Variants in EBF1 observed in about 807,000 individuals in gnomAD.
EBF1 encodes EBF transcription factor 1, also known as transcription factor COE1.
EBF1 carries 10 observed loss-of-function variants against 68.4 expected under a neutral mutation model. The ratio of observed to expected loss-of-function variants is 0.15; its 90% CI spans 0.09 to 0.25. EBF1 has a LOEUF of 0.25. Among genes scored for constraint, EBF1 ranks in the 10% least tolerant of loss-of-function variants. EBF1 has a pLI of 1.00. For synonymous variants in EBF1, 298 were observed against 299.8 expected, an observed-to-expected ratio of 0.99 and a Z score of 0.06; for missense variants, 509 against 794.4, an observed-to-expected ratio of 0.64 and a Z score of 4.32.
rs190486302 is a variant in EBF1, at chr5:158,882,011, G to A, written c.555-41901C>T. On this transcript the variant is annotated intron_variant, in intron 6 of 15. Coordinates refer to ENST00000313708, the MANE Select transcript of EBF1 (RefSeq NM_024007.5). ...AAACTGCTTTGTATTTGCAAAGAAG[G>A]AGTTGTGGGTAACAATGAACATGCA... 2.6e-3 allele frequency among the ~76,000 whole-genome samples: 403 copies of A among 152,322 alleles called. 3 individuals are homozygous for A. The highest frequency in any genetic ancestry group is 0.01 in the Middle Eastern group (3 of 294).
At chr5:158,839,898 T>TG (rs1336969465) in intron 7 of EBF1, 131 bp downstream of exon 7, 11 of 789,110 alleles carry the variant, frequency 1.4e-5, no homozygotes, top group South Asian at 1.0e-4. Flanking sequence ...TGCAGATACC[T>TG]GGGGGACCAA....
At chr5:159,008,259 G>T (rs1277382496) in intron 6 of EBF1, among the ~76,000 whole-genome samples, 3 of 152,182 alleles carry the variant, frequency 2.0e-5, no homozygotes, top group African/African-American at 7.2e-5. Flanking sequence ...TGTAATCAGA[G>T]CAACAGTTGA....
intron 8 of EBF1, among the ~76,000 whole-genome samples, chr5:158,815,869 G>A (rs1305579469): frequency 1.3e-5 from 2 of 152,130 alleles, no homozygotes; most frequent in Non-Finnish European, 2.9e-5. Context: ...AAAGACAAAA[G>A]GCATCTTCTC....
chr5:158,836,592 G>T (rs904984916), intron 7 of EBF1, among the ~76,000 whole-genome samples: 65 of 152,326 alleles, frequency 4.3e-4, no homozygotes, highest in African/African-American at 1.5e-3. Flanking sequence ...TTTAACTCTC[G>T]AGGCAATTCA....
chr5:158,926,688 C>A (rs1809771456), intron 6 of EBF1, among the ~76,000 whole-genome samples: 2 of 147,352 alleles, frequency 1.4e-5, no homozygotes, highest in South Asian at 4.2e-4. Flanking sequence ...TGAGCCACTG[C>A]ACTCCAGCCT....
At chr5:159,029,209 A>G (rs758581775) in intron 6 of EBF1, among the ~76,000 whole-genome samples, 1 of 152,322 alleles carries the variant, frequency 6.6e-6, no homozygotes, top group South Asian at 2.1e-4. Context: ...GTAAAGCCCA[A>G]TTTGAATCTA....
chr5:158,745,874 A>G (rs1340601685), intron 10 of EBF1, among the ~76,000 whole-genome samples: 1 of 152,178 alleles, frequency 6.6e-6, no homozygotes, highest in Non-Finnish European at 1.5e-5. Flanking sequence ...CTCCACCTTC[A>G]GGCTCTGATT....
Position 158,823,195 on chromosome 5 carries a change from C to T in EBF1, c.759G>A (p.Thr253=), listed in dbSNP as rs756583953. The T allele has an allele frequency of 1.8e-5, 29 of 1,613,820 alleles. No individual in the cohort carries two copies. Among genetic ancestry groups the T allele is most frequent in the African/African-American group, 2.7e-5 (2 of 74,898 alleles). The change falls in exon 8 of 16, where the codon ACG becomes ACA. Residue 253 remains threonine (T), a synonymous_variant. Transcript: ENST00000313708. ...GCCTACCATGTTCCAGATAAGAGGGCGTACCTTCCGAGGGGTCAAGCCTCC... is the reference window on the plus strand; with the variant it reads ...GCCTACCATGTTCCAGATAAGAGGGTGTACCTTCCGAGGGGTCAAGCCTCC... ...RARRLDPSEG[T]PSYLEHATPC...
chr5:158,905,604 C>A (rs768873503), intron 6 of EBF1, among the ~76,000 whole-genome samples: 4 of 152,140 alleles, frequency 2.6e-5, no homozygotes, highest in Non-Finnish European at 4.4e-5. Context: ...TCGAACAAAG[C>A]CAAATGTTTT....
At chr5:158,841,899 CA>C (rs2127971324) in intron 6 of EBF1, among the ~76,000 whole-genome samples, 1 of 152,332 alleles carries the variant, frequency 6.6e-6, no homozygotes, top group Admixed American at 6.5e-5. Context: ...TAACACCACA[CA>C]ACATTTGACT....
intron 6 of EBF1, among the ~76,000 whole-genome samples, chr5:158,893,199 C>G (rs1401602239): frequency 8.5e-5 from 13 of 152,208 alleles, no homozygotes; most frequent in Admixed American, 7.9e-4. Flanking sequence ...GCTCAACCAT[C>G]AGTTCCAAAT....
intron 6 of EBF1, among the ~76,000 whole-genome samples, chr5:159,046,906 T>A (rs1401666807): frequency 6.6e-6 from 1 of 152,210 alleles, no homozygotes; most frequent in African/African-American, 2.4e-5. Flanking sequence ...GGGAAAAGAT[T>A]CACTCAGTTG....
At chr5:158,767,699 G>GA (rs371450465) in intron 10 of EBF1, among the ~76,000 whole-genome samples, 13 of 151,388 alleles carry the variant, frequency 8.6e-5, no homozygotes, top group Non-Finnish European at 1.5e-4. Context: ...GAGTTAGGGT[G>GA]AAAAAAAAGG....
chr5:159,013,316 A>T (rs1765028540), intron 6 of EBF1, among the ~76,000 whole-genome samples: 1 of 152,230 alleles, frequency 6.6e-6, no homozygotes, highest in African/African-American at 2.4e-5. Flanking sequence ...CAGTGAGCTT[A>T]CAGACTAAAG....
At chr5:158,858,471 T>G (rs1169861266) in intron 6 of EBF1, among the ~76,000 whole-genome samples, 1 of 152,212 alleles carries the variant, frequency 6.6e-6, no homozygotes, top group Non-Finnish European at 1.5e-5. Flanking sequence ...TGGCTTGCTC[T>G]GAAGACTGCA....
intron 6 of EBF1, among the ~76,000 whole-genome samples, chr5:159,050,231 CCTCT>C (rs1257727621): frequency 2.7e-4 from 39 of 144,232 alleles, no homozygotes; most frequent in African/African-American, 9.0e-4. Flanking sequence ...TCCTCTCCTC[CCTCT>C]CTCTCTCCTC....
At chr5:158,797,633 CAAG>C (rs1453141415) in intron 8 of EBF1, among the ~76,000 whole-genome samples, 2 of 152,128 alleles carry the variant, frequency 1.3e-5, no homozygotes, top group Non-Finnish European at 2.9e-5. Context: ...TTAACTTTTG[CAAG>C]AAGGAAAGAA....
chr5:158,803,285 T>C lies in EBF1; in HGVS notation c.779-6810A>G, dbSNP rs114613791. Among the ~76,000 whole-genome samples, 590 of 151,934 alleles carry C rather than the reference T, an allele frequency of 3.9e-3. 5 individuals are homozygous for C. Among genetic ancestry groups the C allele is most frequent in the African/African-American group, 0.014 (561 of 41,480 alleles). On this transcript the variant is annotated intron_variant, in intron 8 of 15. Coordinates refer to ENST00000313708, the MANE Select transcript of EBF1 (RefSeq NM_024007.5). ...CGGAGAGACTATTGAGGGCACAAAA[T>C]ATTCCACTTGGACTCAGCGCACAGA...
At chr5:158,790,645 C>T (rs930180360) in intron 9 of EBF1, among the ~76,000 whole-genome samples, 2 of 152,192 alleles carry the variant, frequency 1.3e-5, no homozygotes, top group African/African-American at 2.4e-5. Flanking sequence ...ATTTCCCAAA[C>T]TTACCAGGAA....
Sources: allele counts gnomAD v4.1 joint callset (sites outside exome capture counted in the v4.1 genomes callset), GRCh38; gene constraint gnomAD v4.1.1; transcripts MANE v1.5; gene names NCBI Gene and HGNC (gene_info 2026-07-23, HGNC 2026-07-21).